The following GRID2 variants were observed in gnomAD, a reference collection of about 807,000 sequenced individuals.
GRID2 encodes glutamate ionotropic receptor delta type subunit 2, also known as glutamate receptor ionotropic, delta-2.
In GRID2, 33 loss-of-function variants were observed where a neutral mutation model predicts 114.8. That is an observed-to-expected ratio of 0.29 (90% CI 0.22 to 0.38). The LOEUF (loss-of-function observed/expected upper bound fraction) is 0.38, where lower values mean the gene tolerates loss of function less well. GRID2 is among the 10% of genes least tolerant of loss of function. The probability of loss-of-function intolerance (pLI) is 1.00; values close to 1 mark genes in which losing one functional copy is unlikely to be tolerated. For synonymous variants in GRID2, 505 were observed against 449.9 expected, an observed-to-expected ratio of 1.12 and a Z score of -1.55; for missense variants, 1,184 against 1,257.7, an observed-to-expected ratio of 0.94 and a Z score of 0.89.
intron 8 of GRID2, among the ~76,000 whole-genome samples, chr4:93,310,001 A>C (rs779940119): frequency 5.3e-5 from 8 of 152,104 alleles, no homozygotes; most frequent in Non-Finnish European, 1.2e-4. Flanking sequence ...GGTGGGACAC[A>C]GCTCTCCACT....
intron 11 of GRID2, among the ~76,000 whole-genome samples, chr4:93,479,358 C>T (rs910454520): frequency 6.6e-6 from 1 of 151,920 alleles, no homozygotes; most frequent in Non-Finnish European, 1.5e-5. Context: ...AAGTGAAATT[C>T]AATAAAATGA....
At chr4:93,012,029 C>T (rs1722225140) in intron 2 of GRID2, among the ~76,000 whole-genome samples, 1 of 147,428 alleles carries the variant, frequency 6.8e-6, no homozygotes, top group Non-Finnish European at 1.5e-5. Context: ...AATAGTTGGT[C>T]ACCTGGAAAC....
intron 8 of GRID2, among the ~76,000 whole-genome samples, chr4:93,295,383 A>G (rs559274992): frequency 5.8e-4 from 88 of 152,222 alleles, no homozygotes; most frequent in Non-Finnish European, 1.2e-3. Flanking sequence ...AAAGTGTGAT[A>G]TCCTCAATGC....
intron 2 of GRID2, among the ~76,000 whole-genome samples, chr4:92,967,625 G>T (rs1032897809): frequency 6.6e-6 from 1 of 151,868 alleles, no homozygotes; most frequent in African/African-American, 2.4e-5. Context: ...GAAGCATTTC[G>T]TGAGTTCTAA....
chr4:93,652,961 G>T (rs909578818), intron 14 of GRID2, among the ~76,000 whole-genome samples: 7 of 152,246 alleles, frequency 4.6e-5, no homozygotes, highest in African/African-American at 1.7e-4. Flanking sequence ...CCTGGCCAGA[G>T]TTCAGACTCA....
At chr4:92,433,545 C>T (rs1732577044) in intron 1 of GRID2, among the ~76,000 whole-genome samples, 1 of 152,176 alleles carries the variant, frequency 6.6e-6, no homozygotes, top group South Asian at 2.1e-4. Flanking sequence ...GTTCCAATGC[C>T]AAGTCCCACA....
intron 2 of GRID2, among the ~76,000 whole-genome samples, chr4:93,036,997 C>A (rs952282416): frequency 1.3e-5 from 2 of 152,064 alleles, no homozygotes; most frequent in Admixed American, 1.3e-4. Context: ...GATTGTTGGT[C>A]CTAGGATATA....
intron 13 of GRID2, among the ~76,000 whole-genome samples, chr4:93,576,029 G>A (rs1736387266): frequency 1.3e-5 from 2 of 152,108 alleles, no homozygotes; most frequent in South Asian, 4.1e-4. Context: ...GTTATGCTAA[G>A]ATATTTTAAT....
At chr4:93,471,030 A>G (rs1724753943) in intron 11 of GRID2, among the ~76,000 whole-genome samples, 1 of 152,102 alleles carries the variant, frequency 6.6e-6, no homozygotes, top group South Asian at 2.1e-4. Flanking sequence ...AATTAAAAAT[A>G]TTTGAAATCA....
At chr4:92,535,782 G>C (rs889260003) in intron 1 of GRID2, among the ~76,000 whole-genome samples, 4 of 152,302 alleles carry the variant, frequency 2.6e-5, no homozygotes, top group Non-Finnish European at 4.4e-5. Context: ...GTCGTGGTGA[G>C]TGTTACAGTT....
chr4:93,728,479 A>C lies in GRID2; in HGVS notation c.2361-40731A>C, dbSNP rs369530643. ...TATATTCTGTTGATTTGGGGTGGAG[A>C]GTTCTGTAGATGTCTATTAGGTCTG... On this transcript the variant is annotated intron_variant, in intron 14 of 15. Transcript: ENST00000282020. Among the ~76,000 whole-genome samples the C allele has an allele frequency of 5.1e-4, 77 of 152,034 alleles. No homozygotes were observed. The East Asian group carries it at 0.014, about 28-fold the overall frequency.
At chr4:93,514,503 C>A (rs1003821844) in intron 12 of GRID2, among the ~76,000 whole-genome samples, 2 of 149,448 alleles carry the variant, frequency 1.3e-5, no homozygotes, top group Non-Finnish European at 3.0e-5. Flanking sequence ...GAAATAACAA[C>A]CAGTGTCTTG....
chr4:93,042,671 CTA>C (rs1306358359), intron 2 of GRID2, among the ~76,000 whole-genome samples: 16 of 140,800 alleles, frequency 1.1e-4, no homozygotes, highest in Non-Finnish European at 2.2e-4. Context: ...ATCTCTCTCT[CTA>C]TATATCTATA....
chr4:93,186,012 T>TTG (rs1385473812), intron 4 of GRID2, among the ~76,000 whole-genome samples: 1 of 152,172 alleles, frequency 6.6e-6, no homozygotes, highest in Non-Finnish European at 1.5e-5. Flanking sequence ...TTTTCTGTTC[T>TTG]TGTGATAGTT....
intron 8 of GRID2, among the ~76,000 whole-genome samples, chr4:93,281,118 G>A (rs1471322094): frequency 6.6e-6 from 1 of 151,824 alleles, no homozygotes; most frequent in Admixed American, 6.6e-5. Context: ...AAGCAGAGAA[G>A]AGGAATAATA....
In GRID2 at chr4:93,643,970, GTGGGCGTAGGACCCTC is replaced by G. The variant is rs1307570745; in HGVS notation, c.2360+17536_2360+17551del. Among the ~76,000 whole-genome samples, 2 of 101,482 alleles carry G rather than the reference GTGGGCGTAGGACCCTC, an allele frequency of 2.0e-5. 1 individual carries two copies. Among genetic ancestry groups the G allele is most frequent in the Non-Finnish European group, 3.9e-5 (2 of 51,652 alleles). 66.6% of individuals were successfully genotyped at this position (101,482 alleles called of 152,430 possible). Reference sequence around the variant, plus strand: ...CTGTGCTAGCAATCCGCGAGATTCCGTGGGCGTAGGACCCTCCGAGCCAGGTGTGGGATATAGTCTC... The same window carrying G: ...CTGTGCTAGCAATCCGCGAGATTCCGCGAGCCAGGTGTGGGATATAGTCTC... On this transcript the variant is annotated intron_variant, in intron 14 of 15. Coordinates refer to ENST00000282020, the MANE Select transcript of GRID2 (RefSeq NM_001510.4).
chr4:92,385,847 TTTG>T (rs899780227), intron 1 of GRID2, among the ~76,000 whole-genome samples: 1 of 150,030 alleles, frequency 6.7e-6, no homozygotes, highest in Admixed American at 6.7e-5. Context: ...ATATTTAACT[TTTG>T]TTGTGAAGAA....
At chr4:93,065,940 C>T (rs1051271376) in intron 2 of GRID2, among the ~76,000 whole-genome samples, 8 of 151,978 alleles carry the variant, frequency 5.3e-5, no homozygotes, top group South Asian at 2.1e-4. Flanking sequence ...ATGTATCAGT[C>T]ACTGCTCTAA....
intron 14 of GRID2, among the ~76,000 whole-genome samples, chr4:93,645,891 C>A (rs1275285730): frequency 1.3e-5 from 2 of 152,102 alleles, no homozygotes; most frequent in Non-Finnish European, 2.9e-5. Flanking sequence ...CCTTTTTCAT[C>A]TTCCATAATA....
Sources: gnomAD v4.1 joint callset for allele counts (sites outside exome capture counted in the v4.1 genomes callset) on GRCh38, gnomAD v4.1.1 for gene constraint, MANE v1.5 for transcripts, NCBI Gene and HGNC (gene_info 2026-07-23, HGNC 2026-07-21) for gene names.